DOCK8: variants seen among roughly 807,000 people sequenced by gnomAD.
DOCK8 encodes the protein dedicator of cytokinesis 8, also known as dedicator of cytokinesis protein 8.
DOCK8 carries 141 observed loss-of-function variants against 245.6 expected under a neutral mutation model. The observed-to-expected ratio is 0.57, with a 90% CI of 0.50 to 0.66. The LOEUF is 0.66. Among genes scored for constraint, DOCK8 ranks in the 30% least tolerant of loss-of-function variants. The pLI is 0.00. For synonymous variants in DOCK8, 1,168 were observed against 970.2 expected, an observed-to-expected ratio of 1.20 and a Z score of -3.79; for missense variants, 2,965 against 2,603.4, an observed-to-expected ratio of 1.14 and a Z score of -3.02.
rs767468728 is a variant in DOCK8 at position 336,697 on chromosome 9, C to G, written c.1401C>G (p.Ser467Arg). Reference protein sequence around the residue: ...VGSNFKTSTLSVSSFFKQEGD... With the variant: ...VGSNFKTSTLRVSSFFKQEGD... ...CCAACTTCAAAACCTCCACTCTGAGCGTTAGCAGCTTTTTCAAGCAGGTAT... is the reference window on the plus strand; with the variant it reads ...CCAACTTCAAAACCTCCACTCTGAGGGTTAGCAGCTTTTTCAAGCAGGTAT... The change falls in exon 12 of 48, where the codon AGC (serine) becomes AGG (arginine). Residue 467 changes from serine to arginine, a missense_variant. Around this residue, in one of 3 missense-constraint regions of DOCK8, gnomAD observed 2,825 missense variants for 2,453.5 expected, o/e 1.15. Coordinates refer to ENST00000432829, the MANE Select transcript of DOCK8 (RefSeq NM_203447.4). The G allele has an allele frequency of 6.2e-7, 1 of 1,613,986 alleles. No homozygotes were observed. Among genetic ancestry groups the G allele is most frequent in the Admixed American group, 1.7e-5 (1 of 60,000 alleles).
intron 1 of DOCK8, among the ~76,000 whole-genome samples, chr9:224,569 C>T (rs896612328): frequency 5.3e-5 from 8 of 152,144 alleles, no homozygotes; most frequent in Admixed American, 1.3e-4. Flanking sequence ...TTTCCTAAAT[C>T]GCTGCTTCTT....
chr9:418,289 TGAGACA>T, intron 30 of DOCK8, 82 bp downstream of exon 30: 1 of 1,575,890 alleles, frequency 6.3e-7, no homozygotes, highest in East Asian at 2.2e-5. Flanking sequence ...TTGTTTGTTT[TGAGACA>T]GAGTCTCACT....
chr9:236,736 C>G (rs973037257), intron 1 of DOCK8, among the ~76,000 whole-genome samples: 1 of 152,224 alleles, frequency 6.6e-6, no homozygotes, highest in Non-Finnish European at 1.5e-5. Context: ...GTTTATATCA[C>G]AGTCTGATGC....
intron 23 of DOCK8, 108 bp from the exon 24 acceptor site, chr9:390,363 A>T: frequency 4.0e-6 from 4 of 1,006,752 alleles, no homozygotes; most frequent in Non-Finnish European, 4.6e-6. Flanking sequence ...CACATGCTTC[A>T]GGAACGAACA....
chr9:291,901 T>TA (rs1438132145), intron 4 of DOCK8, among the ~76,000 whole-genome samples: 2 of 151,136 alleles, frequency 1.3e-5, no homozygotes, highest in African/African-American at 4.9e-5. Context: ...ACCCCACCTC[T>TA]AAAAAAATTT....
At chr9:409,668 G>A (rs2055621120) in intron 28 of DOCK8, among the ~76,000 whole-genome samples, 1 of 151,810 alleles carries the variant, frequency 6.6e-6, no homozygotes, top group African/African-American at 2.4e-5. Flanking sequence ...CGCCATGTTG[G>A]TGTGCTGCAC....
Position 441,321 on chromosome 9 carries a change from G to A in DOCK8, c.5259G>A (p.Lys1753=). The change falls in exon 41 of 48, where the codon AAG becomes AAA. Residue 1753 remains lysine, a synonymous_variant. Transcript: ENST00000432829. ...ATGAGACAGTTAATGAGGTCTACAA[G>A]CTGGTCATCCCCATCCTAGAAGCGC... ...GLYETVNEVY[K]LVIPILEAHR... 1.9e-6 allele frequency: 3 copies of A among 1,614,186 alleles called. No homozygotes were observed. Among genetic ancestry groups the A allele is most frequent in the South Asian group, 1.1e-5 (1 of 91,080 alleles).
chr9:236,372 C>A (rs2047249329), intron 1 of DOCK8, among the ~76,000 whole-genome samples: 1 of 152,202 alleles, frequency 6.6e-6, no homozygotes, highest in South Asian at 2.1e-4. Context: ...GCTTTGTCTA[C>A]AAGGGAGATT....
intron 34 of DOCK8, 37 bp downstream of exon 34, chr9:427,018 A>G (rs142355160): frequency 6.4e-7 from 1 of 1,564,326 alleles, no homozygotes; most frequent in Non-Finnish European, 8.8e-7. Context: ...TTTGTTGGCC[A>G]TGAATATGTT....
At chr9:259,442 T>G (rs1158490549) in intron 1 of DOCK8, among the ~76,000 whole-genome samples, 1 of 152,250 alleles carries the variant, frequency 6.6e-6, no homozygotes, top group African/African-American at 2.4e-5. Flanking sequence ...ATTTTTAAGC[T>G]TATACCCATA....
chr9:272,611 T>C (rs954598335), intron 2 of DOCK8, among the ~76,000 whole-genome samples: 5 of 152,164 alleles, frequency 3.3e-5, no homozygotes. Flanking sequence ...GGTCTTGAAC[T>C]CCTGGGCTCA....
At chr9:389,094 G>T (rs2054077452) in intron 23 of DOCK8, among the ~76,000 whole-genome samples, 1 of 152,154 alleles carries the variant, frequency 6.6e-6, no homozygotes, top group African/African-American at 2.4e-5. Flanking sequence ...ATCATTTTTG[G>T]CATTAATTAG....
chr9:398,627 G>A (rs1448090525), intron 25 of DOCK8, among the ~76,000 whole-genome samples: 4 of 152,118 alleles, frequency 2.6e-5, no homozygotes, highest in Non-Finnish European at 5.9e-5. Flanking sequence ...TACACCCTGC[G>A]GAGTATGACT....
intron 46 of DOCK8, chr9:458,148 G>A (rs1411922065): frequency 6.6e-6 from 1 of 152,204 alleles, no homozygotes; most frequent in Admixed American, 6.5e-5. Context: ...TCGATGTAGA[G>A]CTGTGTAGTG....
intron 29 of DOCK8, 92 bp downstream of exon 29, chr9:415,043 G>T: frequency 6.6e-7 from 1 of 1,513,332 alleles, no homozygotes; most frequent in Non-Finnish European, 9.1e-7. Flanking sequence ...TTCCAGTGCT[G>T]ATATGTTCAT....
At chr9:249,314 C>T (rs1226622140) in intron 1 of DOCK8, among the ~76,000 whole-genome samples, 1 of 152,152 alleles carries the variant, frequency 6.6e-6, no homozygotes, top group Non-Finnish European at 1.5e-5. Flanking sequence ...AAGTCACCAC[C>T]CAAGCCTTAG....
chr9:387,979 T>C (rs1015901238), intron 23 of DOCK8, among the ~76,000 whole-genome samples: 5 of 152,236 alleles, frequency 3.3e-5, no homozygotes, highest in South Asian at 2.1e-4. Context: ...GACAGAGTTT[T>C]GCTGCTTGGC....
At chr9:426,723 C>A (rs1259046383) in intron 33 of DOCK8, among the ~76,000 whole-genome samples, 162 bp from the exon 34 acceptor site, 1 of 152,212 alleles carries the variant, frequency 6.6e-6, no homozygotes, top group Admixed American at 6.5e-5. Context: ...ACATGAATCA[C>A]AGAAGGCACC....
intron 1 of DOCK8, among the ~76,000 whole-genome samples, chr9:271,053 A>G (rs928944767): frequency 6.6e-6 from 1 of 152,224 alleles, no homozygotes; most frequent in Non-Finnish European, 1.5e-5. Context: ...AGCATTGTCC[A>G]CATGGGTGAT....
Sources: gnomAD v4.1 joint callset for allele counts (sites outside exome capture counted in the v4.1 genomes callset) on GRCh38, gnomAD v4.1.1 for gene constraint, gnomAD v4.1.1 regional missense constraint, MANE v1.5 for transcripts, NCBI Gene and HGNC (gene_info 2026-07-23, HGNC 2026-07-21) for gene names.